The following STXBP5L variants were observed in gnomAD, a reference collection of about 807,000 sequenced individuals.
The protein encoded by STXBP5L is syntaxin binding protein 5L.
In STXBP5L, 65 loss-of-function variants were observed where a neutral mutation model predicts 144.5. The observed-to-expected ratio is 0.45, with a 90% CI of 0.37 to 0.55. The LOEUF is 0.55. STXBP5L is among the 20% of genes least tolerant of loss of function. The pLI is 0.00. For missense variants in STXBP5L, 1,298 were observed against 1,405.5 expected, an observed-to-expected ratio of 0.92 and a Z score of 1.22; for synonymous variants, 505 against 469.6, an observed-to-expected ratio of 1.08 and a Z score of -0.97.
At chr3:120,972,979 T>C (rs1298878148) in intron 3 of STXBP5L, among the ~76,000 whole-genome samples, 3 of 152,148 alleles carry the variant, frequency 2.0e-5, no homozygotes, top group Admixed American at 2.0e-4. Context: ...TGCTACTATT[T>C]TGTTGAGGAG....
chr3:121,167,396 T>C (rs977621097), intron 9 of STXBP5L, among the ~76,000 whole-genome samples: 3 of 152,210 alleles, frequency 2.0e-5, no homozygotes, highest in African/African-American at 4.8e-5. Flanking sequence ...AAAGATATTT[T>C]AGCTGCTAAA....
chr3:121,404,268 G>A (rs1466348254), intron 22 of STXBP5L, among the ~76,000 whole-genome samples: 2 of 152,022 alleles, frequency 1.3e-5, no homozygotes, highest in African/African-American at 2.4e-5. Flanking sequence ...AATCCAATTT[G>A]TTAACAAATC....
chr3:120,979,507 A>C lies in STXBP5L; in HGVS notation c.287+24470A>C, dbSNP rs138073798. The stretch of plus-strand genomic sequence containing the variant: ...CTGACCCCTTGTGCTTCCCGAGTGA[A>C]GCAATGCCTCACCCTGCTTTGGCTC... On this transcript the variant is annotated intron_variant, in intron 3 of 26. Transcript: ENST00000471454. Among the ~76,000 whole-genome samples the C allele has an allele frequency of 4.6e-4, 70 of 152,230 alleles. 1 individual carries two copies. The highest frequency in any genetic ancestry group is 1.5e-3 in the African/African-American group (64 of 41,526).
chr3:121,091,418 C>G (rs926346980), intron 5 of STXBP5L, among the ~76,000 whole-genome samples: 1 of 151,724 alleles, frequency 6.6e-6, no homozygotes, highest in African/African-American at 2.4e-5. Context: ...GTTCCTATTT[C>G]TCCACATCCT....
chr3:121,093,903 G>T (rs1027608285), intron 5 of STXBP5L, among the ~76,000 whole-genome samples: 1 of 151,904 alleles, frequency 6.6e-6, no homozygotes, highest in African/African-American at 2.4e-5. Context: ...TCTCTTGTGG[G>T]CATTTAGTGC....
chr3:121,219,064 T>C (rs2048894321), intron 10 of STXBP5L, among the ~76,000 whole-genome samples: 1 of 152,190 alleles, frequency 6.6e-6, no homozygotes, highest in South Asian at 2.1e-4. Flanking sequence ...AATCTTCATA[T>C]TTGTAATGTG....
intron 19 of STXBP5L, among the ~76,000 whole-genome samples, chr3:121,306,504 G>T (rs2043341302): frequency 6.6e-6 from 1 of 152,150 alleles, no homozygotes; most frequent in Non-Finnish European, 1.5e-5. Flanking sequence ...TACCACCTTT[G>T]CCCAAGGCCC....
At chr3:121,018,692 T>C (rs1209689685) in intron 3 of STXBP5L, among the ~76,000 whole-genome samples, 1 of 152,076 alleles carries the variant, frequency 6.6e-6, no homozygotes, top group Non-Finnish European at 1.5e-5. Context: ...TTAGGTACAA[T>C]AGTAAGAAAA....
chr3:121,035,156 G>T (rs1288980995), intron 3 of STXBP5L, among the ~76,000 whole-genome samples: 3 of 152,114 alleles, frequency 2.0e-5, no homozygotes, highest in African/African-American at 7.2e-5. Flanking sequence ...CTCCCATTCT[G>T]CAGGTTGGCT....
intron 5 of STXBP5L, among the ~76,000 whole-genome samples, chr3:121,093,913 C>T (rs980521311): frequency 1.3e-5 from 2 of 152,102 alleles, no homozygotes; most frequent in African/African-American, 4.8e-5. Context: ...GCATTTAGTG[C>T]TATACATTTC....
In STXBP5L at chr3:121,113,808, G is replaced by A. The variant is rs1368478448; in HGVS notation, c.471-1117G>A. ...CTGCCTCAGCCTCCCAAGTAGGTGG[G>A]ACTATGGGCACCCACCACCACGCCC... On this transcript the variant is annotated intron_variant, in intron 5 of 26. Transcript: ENST00000471454. Among the ~76,000 whole-genome samples, 4 of 151,456 alleles carry A rather than the reference G, an allele frequency of 2.6e-5. No individual in the cohort carries two copies. In the East Asian group the frequency reaches 7.8e-4, roughly 29 times the overall value.
intron 3 of STXBP5L, among the ~76,000 whole-genome samples, chr3:120,978,821 T>C (rs974408721): frequency 3.9e-5 from 6 of 152,210 alleles, no homozygotes; most frequent in African/African-American, 1.4e-4. Flanking sequence ...CCAGACCCTG[T>C]TTGCCTCGGT....
chr3:120,969,420 T>G (rs983213381), intron 3 of STXBP5L, among the ~76,000 whole-genome samples: 40 of 151,524 alleles, frequency 2.6e-4, no homozygotes, highest in African/African-American at 9.2e-4. Context: ...TTCTTGTTAA[T>G]TTGTTTGAGT....
intron 20 of STXBP5L, among the ~76,000 whole-genome samples, chr3:121,358,190 C>G (rs575708791): frequency 6.6e-6 from 1 of 152,196 alleles, no homozygotes; most frequent in South Asian, 2.1e-4. Flanking sequence ...ATTGTTCTGT[C>G]AAATAGTAGG....
intron 3 of STXBP5L, among the ~76,000 whole-genome samples, chr3:121,004,801 G>T (rs1944126292): frequency 6.6e-6 from 1 of 152,132 alleles, no homozygotes; most frequent in Non-Finnish European, 1.5e-5. Flanking sequence ...TGCATCTATT[G>T]AGATAATCAT....
intron 5 of STXBP5L, among the ~76,000 whole-genome samples, chr3:121,102,190 T>A (rs1030691785): frequency 2.0e-5 from 3 of 152,124 alleles, no homozygotes; most frequent in African/African-American, 7.2e-5. Flanking sequence ...GAGTCATTCT[T>A]TACAGAATTA....
chr3:121,084,876 G>A (rs1415778407), intron 5 of STXBP5L, among the ~76,000 whole-genome samples: 7 of 152,106 alleles, frequency 4.6e-5, no homozygotes, highest in Admixed American at 3.9e-4. Flanking sequence ...GCCAGCATCT[G>A]TTGTTTCTTG....
chr3:121,328,282 C>T (rs1307592667), intron 20 of STXBP5L, among the ~76,000 whole-genome samples: 1 of 152,186 alleles, frequency 6.6e-6, no homozygotes, highest in Non-Finnish European at 1.5e-5. Flanking sequence ...ATGCTAAGGG[C>T]TTTACACACA....
At chr3:121,128,340 T>C (rs2044812578) in intron 7 of STXBP5L, among the ~76,000 whole-genome samples, 1 of 152,012 alleles carries the variant, frequency 6.6e-6, no homozygotes, top group Admixed American at 6.6e-5. Flanking sequence ...TTGGGTATGG[T>C]ATTAAAGAAG....
Sources: gnomAD v4.1 joint callset for allele counts (sites outside exome capture counted in the v4.1 genomes callset) on GRCh38, gnomAD v4.1.1 for gene constraint, MANE v1.5 for transcripts, NCBI Gene and HGNC (gene_info 2026-07-23, HGNC 2026-07-21) for gene names.